CACNA1E: variants seen among roughly 807,000 people sequenced by gnomAD.
CACNA1E encodes calcium voltage-gated channel subunit alpha1 E, also known as voltage-dependent R-type calcium channel subunit alpha-1E.
CACNA1E carries 40 observed loss-of-function variants against 259.2 expected under a neutral mutation model. That is an observed-to-expected ratio of 0.15 (90% confidence interval 0.12 to 0.20). The LOEUF (loss-of-function observed/expected upper bound fraction) is 0.20. Among genes scored for constraint, CACNA1E ranks in the 10% least tolerant of loss-of-function variants. CACNA1E has a pLI of 1.00. For missense variants in CACNA1E, 1,874 were observed against 3,040.1 expected (o/e 0.62, Z 9.02); for synonymous variants, 1,104 against 1,138.5 (o/e 0.97, Z 0.61).
At chr1:181,599,025 A>G (rs1190816579) in intron 6 of CACNA1E, among the ~76,000 whole-genome samples, 2 of 152,008 alleles carry the variant, frequency 1.3e-5, no homozygotes, top group African/African-American at 2.4e-5. Context: ...AACGTATGCC[A>G]TGGTGATTTG....
chr1:181,743,328 T>C (rs1467141453), intron 25 of CACNA1E, among the ~76,000 whole-genome samples: 1 of 152,246 alleles, frequency 6.6e-6, no homozygotes, highest in Admixed American at 6.5e-5. Context: ...GGGATTCTTT[T>C]GTGTGATTTC....
chr1:181,395,607 A>G (rs1311892413), intron 1 of CACNA1E, among the ~76,000 whole-genome samples: 1 of 152,142 alleles, frequency 6.6e-6, no homozygotes, highest in Non-Finnish European at 1.5e-5. Context: ...TTTGGAAAAA[A>G]TATTTGGAAC....
chr1:181,661,442 T>C (rs1647669465), intron 7 of CACNA1E, among the ~76,000 whole-genome samples: 1 of 152,040 alleles, frequency 6.6e-6, no homozygotes, highest in Admixed American at 6.6e-5. Context: ...TGTGGGTATG[T>C]CTGAGTGGGT....
intron 1 of CACNA1E, among the ~76,000 whole-genome samples, chr1:181,395,503 A>G (rs1289072926): frequency 6.6e-6 from 1 of 152,252 alleles, no homozygotes; most frequent in African/African-American, 2.4e-5. Flanking sequence ...TGGTAATTCA[A>G]ATCACATGAC....
chr1:181,736,348 G>A lies in CACNA1E; in HGVS notation c.3336G>A (p.Glu1112=). 6.2e-7 allele frequency: 1 copy of A among 1,609,942 alleles called. No homozygotes were observed. The highest frequency in any genetic ancestry group is 8.5e-7 in the Non-Finnish European group (1 of 1,177,952). ...TCAGAGAGGATGAGGAGGAGGTGGA[G>A]AAGAAGAAGCAGAAGAAGGAGAAGC... ...AEIREDEEEV[E]KKKQKKEKRE... is the part of the protein sequence containing the mutation. The change falls in exon 22 of 48, where the codon GAG becomes GAA. Residue 1112 remains glutamate (E), a synonymous_variant. Transcript: ENST00000367573.
At chr1:181,536,755 C>A (rs925059888) in intron 3 of CACNA1E, among the ~76,000 whole-genome samples, 1 of 152,140 alleles carries the variant, frequency 6.6e-6, no homozygotes, top group Non-Finnish European at 1.5e-5. Context: ...GATGACCAGT[C>A]CCCTGGGAGA....
chr1:181,648,692 G>A (rs1372077441), intron 6 of CACNA1E, among the ~76,000 whole-genome samples: 1 of 152,208 alleles, frequency 6.6e-6, no homozygotes, highest in Non-Finnish European at 1.5e-5. Context: ...CCTCATTACA[G>A]CATCCCTGGC....
chr1:181,448,289 C>T (rs1447545218), intron 2 of CACNA1E, among the ~76,000 whole-genome samples: 1 of 152,210 alleles, frequency 6.6e-6, no homozygotes, highest in East Asian at 1.9e-4. Flanking sequence ...GCTAGATCTG[C>T]ACATGCATCC....
At chr1:181,653,959 G>T (rs973811229) in intron 7 of CACNA1E, among the ~76,000 whole-genome samples, 3 of 152,024 alleles carry the variant, frequency 2.0e-5, no homozygotes, top group Non-Finnish European at 4.4e-5. Flanking sequence ...TTTTAAATAT[G>T]AACACACAGC....
At chr1:181,521,742 G>T (rs562861374) in intron 3 of CACNA1E, among the ~76,000 whole-genome samples, 1 of 152,282 alleles carries the variant, frequency 6.6e-6, no homozygotes, top group Admixed American at 6.5e-5. Flanking sequence ...TTTTCACTGG[G>T]ACCCTAACCT....
chr1:181,783,816 G>T, intron 40 of CACNA1E, 32 bp downstream of exon 40: 1 of 1,407,150 alleles, frequency 7.1e-7, no homozygotes, highest in Non-Finnish European at 1.0e-6. Flanking sequence ...AGGTGGGAAG[G>T]AGGAATTCTG....
rs543837998 is a variant in CACNA1E at position 181,551,751 on chromosome 1, G to A, written c.513-26015G>A. Among the ~76,000 whole-genome samples the A allele has an allele frequency of 7.1e-4, 108 of 152,140 alleles. No homozygotes were observed. The Middle Eastern group carries it at 0.014, about 19-fold the overall frequency. On this transcript the variant is annotated intron_variant, in intron 3 of 47. Transcript: ENST00000367573. ...AACATCCCTGACAGCTGGTCACCAA[G>A]CTTCTGCTTGGACTCTCCTTGTGAT...
chr1:181,591,055 C>T (rs1329859677), intron 6 of CACNA1E, among the ~76,000 whole-genome samples: 1 of 152,168 alleles, frequency 6.6e-6, no homozygotes, highest in African/African-American at 2.4e-5. Context: ...TTCTGAGTTA[C>T]AAAACCTTCC....
chr1:181,603,251 C>T (rs1402958708), intron 6 of CACNA1E, among the ~76,000 whole-genome samples: 1 of 152,190 alleles, frequency 6.6e-6, no homozygotes, highest in Admixed American at 6.5e-5. Flanking sequence ...GATATAAACC[C>T]AGTTAATTTT....
chr1:181,333,379 A>T (rs1450708571), intron 1 of CACNA1E, among the ~76,000 whole-genome samples: 13 of 152,044 alleles, frequency 8.6e-5, no homozygotes, highest in Admixed American at 8.5e-4. Context: ...GGTTGGCAAC[A>T]TTTTCTGCAA....
At chr1:181,609,030 C>G (rs1033990356) in intron 6 of CACNA1E, among the ~76,000 whole-genome samples, 1 of 152,174 alleles carries the variant, frequency 6.6e-6, no homozygotes, top group Non-Finnish European at 1.5e-5. Flanking sequence ...CCCCCAGTAT[C>G]CACAAAGGAA....
chr1:181,685,230 G>GTTTT (rs139598690), intron 7 of CACNA1E, among the ~76,000 whole-genome samples: 15 of 103,442 alleles, frequency 1.5e-4, no homozygotes, highest in Non-Finnish European at 2.0e-4. Context: ...CCACCTTTAA[G>GTTTT]TTTTTTTTTT....
intron 1 of CACNA1E, among the ~76,000 whole-genome samples, chr1:181,398,159 G>A (rs1656825409): frequency 6.6e-6 from 1 of 152,184 alleles, no homozygotes; most frequent in African/African-American, 2.4e-5. Flanking sequence ...ATCTATGAAA[G>A]CCACAGGCTC....
rs534988626 is a variant in CACNA1E at position 181,597,938 on chromosome 1, C to T, written c.951+17162C>T. 2.7e-3 allele frequency among the ~76,000 whole-genome samples: 408 copies of T among 152,318 alleles called. 2 individuals are homozygous for T. Among genetic ancestry groups the T allele is most frequent in the African/African-American group, 8.3e-3 (345 of 41,570 alleles). On this transcript the variant is annotated intron_variant, in intron 6 of 47. Coordinates refer to ENST00000367573, the MANE Select transcript of CACNA1E (RefSeq NM_001205293.3). ...CTCCCACCGGCTTCCTCCCACGACA[C>T]GTGGGAACTGTGGGAGTTACAATTC...
Sources: gnomAD v4.1 joint callset for allele counts (sites outside exome capture counted in the v4.1 genomes callset) on GRCh38, gnomAD v4.1.1 for gene constraint, MANE v1.5 for transcripts, NCBI Gene and HGNC (gene_info 2026-07-23, HGNC 2026-07-21) for gene names.